Variants in TDRKH observed in about 807,000 individuals in gnomAD.
The protein encoded by TDRKH is tudor and KH domain-containing protein.
TDRKH carries 28 observed loss-of-function variants against 61.3 expected under a neutral mutation model. The observed-to-expected ratio is 0.46, with a 90% CI of 0.34 to 0.63. TDRKH has a LOEUF of 0.63. Ranked by LOEUF, TDRKH falls within the 20% of genes least tolerant of loss-of-function variation. The probability of loss-of-function intolerance (pLI) is 0.01; values close to 1 mark genes in which losing one functional copy is unlikely to be tolerated. For missense variants in TDRKH, 540 were observed against 683.4 expected (o/e 0.79, Z 2.34); for synonymous variants, 219 against 244.4 (o/e 0.90, Z 0.97).
chr1:151,774,530 AAGTT>A lies in TDRKH; in HGVS notation c.1634-30_1634-27del, dbSNP rs777399674. The A allele has an allele frequency of 9.9e-6, 16 of 1,613,750 alleles. No homozygotes were observed. In the South Asian group the frequency reaches 1.8e-4, roughly 18 times the overall value. ...CTATTGAAGATAAATAAGAAGGAGA[AAGTT>A]AGACACTGCCCTATTCTAGCAGGCA... On this transcript the variant is annotated intron_variant, in intron 12 of 12. Coordinates refer to ENST00000368824, the MANE Select transcript of TDRKH (RefSeq NM_001083965.2).
In TDRKH at chr1:151,778,873, C is replaced by G. The variant is rs1649475551; in HGVS notation, c.695G>C (p.Gly232Ala). 1 of 1,614,066 alleles carries G rather than the reference C, an allele frequency of 6.2e-7. No homozygotes were observed. Among genetic ancestry groups the G allele is most frequent in the Admixed American group, 1.7e-5 (1 of 60,000 alleles). The change falls in exon 6 of 13, where the codon GGA (glycine) becomes GCA (alanine). Residue 232 changes from glycine (G) to alanine (A), a missense_variant. Physicochemically the swap from Gly to Ala is moderately conservative, Grantham distance 60. Around this residue, in one of 3 missense-constraint regions of TDRKH, gnomAD observed 379 missense variants for 443.8 expected, o/e 0.85. Coordinates refer to ENST00000368824, the MANE Select transcript of TDRKH (RefSeq NM_001083965.2). ...REDMTEPGGA[G>A]EPALWKNTSS... is the part of the protein sequence containing the mutation. ...GGTGTTTTTCCATAATGCTGGCTCTCCAGCTCCACCTGGCTCTGTCATGTC... is the reference window on the plus strand; with the variant it reads ...GGTGTTTTTCCATAATGCTGGCTCTGCAGCTCCACCTGGCTCTGTCATGTC...
At chr1:151,784,276 G>A (rs768306835) in intron 1 of TDRKH, among the ~76,000 whole-genome samples, 4 of 152,098 alleles carry the variant, frequency 2.6e-5, no homozygotes, top group Non-Finnish European at 5.9e-5. Flanking sequence ...CATGATTAAC[G>A]TTTTCTTTCC....
At chr1:151,766,987 G>T, downstream of TDRKH, 1 of 1,375,492 alleles carries the variant, frequency 7.3e-7, no homozygotes, top group South Asian at 1.3e-5. Flanking sequence ...AATAACAACA[G>T]AATAGGGGGT....
At chr1:151,789,431 T>A (rs1203397290) in intron 1 of TDRKH, among the ~76,000 whole-genome samples, 1 of 152,196 alleles carries the variant, frequency 6.6e-6, no homozygotes, top group Non-Finnish European at 1.5e-5. Flanking sequence ...TTTGATTTTA[T>A]TACTTAAAAA....
downstream of TDRKH, chr1:151,766,635 C>T (rs1241180893): frequency 6.7e-7 from 1 of 1,502,116 alleles, no homozygotes; most frequent in African/African-American, 1.4e-5. Context: ...ATAGTGCCCA[C>T]TGGGTCACAA....
rs1649162821 is a variant in TDRKH, at chr1:151,776,236, A to G, written c.1077T>C (p.Ile359=). ...PEDLTVHVGD[I]VAAPLPTNGS... is the part of the protein sequence containing the mutation. Reference sequence around the variant, plus strand: ...CATTTGTAGGTAAAGGTGCTGCTACAATGTCTCCTACATGCACAGTCAAGT... The same window carrying G: ...CATTTGTAGGTAAAGGTGCTGCTACGATGTCTCCTACATGCACAGTCAAGT... Residue 359 remains isoleucine, a synonymous_variant, in exon 8 of 13, where the codon ATT becomes ATC. Coordinates refer to ENST00000368824, the MANE Select transcript of TDRKH (RefSeq NM_001083965.2). The G allele has an allele frequency of 1.2e-6, 2 of 1,614,008 alleles. No individual in the cohort carries two copies. The highest frequency in any genetic ancestry group is 1.7e-6 in the Non-Finnish European group (2 of 1,180,006).
downstream of TDRKH, chr1:151,767,143 TG>T: frequency 6.2e-7 from 1 of 1,613,330 alleles, no homozygotes; most frequent in Non-Finnish European, 8.5e-7. Context: ...TAAACTAATT[TG>T]GGTCTCTTTC....
At chr1:151,775,921 CA>C (rs1246425528) in intron 8 of TDRKH, 37 bp from the exon 9 acceptor site, 18 of 1,602,342 alleles carry the variant, frequency 1.1e-5, no homozygotes, top group Admixed American at 1.7e-5. Context: ...ATCCTGGGGC[CA>C]AAAACATCTT....
At chr1:151,786,353 C>G (rs1291180096) in intron 1 of TDRKH, among the ~76,000 whole-genome samples, 1 of 152,160 alleles carries the variant, frequency 6.6e-6, no homozygotes, top group Non-Finnish European at 1.5e-5. Flanking sequence ...AAGATGGCTA[C>G]TAAGTGACTA....
rs1014776029 is a variant in TDRKH, at chr1:151,773,613, T to C, written c.*839A>G. 3 of 152,428 alleles carry C rather than the reference T, an allele frequency of 2.0e-5. No individual in the cohort carries two copies. Among genetic ancestry groups the C allele is most frequent in the Middle Eastern group, 3.2e-3 (1 of 316 alleles). 9.4% of individuals were successfully genotyped at this position (152,428 alleles called of 1,614,324 possible). On this transcript the variant is annotated 3_prime_UTR_variant, in exon 13 of 13. Coordinates refer to ENST00000368824, the MANE Select transcript of TDRKH (RefSeq NM_001083965.2). ...ATACATATAGATATTATACTAGCAA[T>C]TTAGAAAATTTCCTGAGCCTCCTGT...
At chr1:151,775,031 G>A (rs535470300) in intron 11 of TDRKH, 34 bp downstream of exon 11, 1 of 1,605,296 alleles carries the variant, frequency 6.2e-7, no homozygotes, top group Admixed American at 1.7e-5. Flanking sequence ...AGATTTGCCT[G>A]GAAGCAGCAC....
intron 6 of TDRKH, among the ~76,000 whole-genome samples, chr1:151,778,291 G>C (rs556848675): frequency 6.6e-6 from 1 of 152,294 alleles, no homozygotes; most frequent in East Asian, 1.9e-4. Context: ...TAAAGGTCAT[G>C]TATCTATCTT....
chr1:151,767,137 C>T (rs1648393176), downstream of TDRKH: 1 of 1,612,616 alleles, frequency 6.2e-7, no homozygotes. Context: ...CCAAGATAAA[C>T]TAATTTGGGT....
At chr1:151,767,520 A>T (rs1011987646), downstream of TDRKH, 5 of 978,298 alleles carry the variant, frequency 5.1e-6, no homozygotes, top group African/African-American at 6.6e-5. Context: ...GAAAAGAGGG[A>T]GTGGGGACAA....
chr1:151,788,160 G>A (rs989968860), intron 1 of TDRKH, among the ~76,000 whole-genome samples: 29 of 152,336 alleles, frequency 1.9e-4, no homozygotes, highest in African/African-American at 6.5e-4. Context: ...TGGTCAATGC[G>A]ACAGTTGAAA....
At chr1:151,768,283 A>C, downstream of TDRKH, 2 of 1,563,334 alleles carry the variant, frequency 1.3e-6, no homozygotes, top group Non-Finnish European at 1.7e-6. Context: ...AGGGGATTTC[A>C]CCCTTCTATC....
At chr1:151,782,303 C>A (rs1245878934) in intron 2 of TDRKH, among the ~76,000 whole-genome samples, 1 of 151,482 alleles carries the variant, frequency 6.6e-6, no homozygotes, top group African/African-American at 2.4e-5. Flanking sequence ...AAACATTAGC[C>A]AGGAGTGGTG....
In TDRKH at chr1:151,775,674, T is replaced by C. The variant is rs1649093744; in HGVS notation, c.1283-131A>G. 5.5e-5 allele frequency: 82 copies of C among 1,493,834 alleles called. No homozygotes were observed. In the South Asian group the frequency reaches 1.1e-3, roughly 19 times the overall value. The allele number at this position is 1,493,834 out of a possible 1,614,324, so 92.5% of individuals were successfully genotyped here. A position where few individuals can be genotyped will look rare whatever the true frequency, so the allele number is the denominator to read the frequency against. On this transcript the variant is annotated intron_variant, in intron 9 of 12. Coordinates refer to ENST00000368824, the MANE Select transcript of TDRKH (RefSeq NM_001083965.2). ...GGTTGGGTTGGGTCTGCCAGGCAAG[T>C]TTCTGGCTGCTGCTAGTGCTGGTGA... is the stretch of plus-strand genomic sequence containing the variant.
At chr1:151,786,415 C>A (rs913469207) in intron 1 of TDRKH, among the ~76,000 whole-genome samples, 3 of 152,188 alleles carry the variant, frequency 2.0e-5, no homozygotes, top group Non-Finnish European at 4.4e-5. Context: ...GCAGGATTCT[C>A]GTCTGGGCCA....
Sources: gnomAD v4.1 joint callset for allele counts (sites outside exome capture counted in the v4.1 genomes callset) on GRCh38, gnomAD v4.1.1 for gene constraint, gnomAD v4.1.1 regional missense constraint, MANE v1.5 for transcripts, NCBI Gene and HGNC (gene_info 2026-07-23, HGNC 2026-07-21) for gene names.